LPCAT2: variants seen among roughly 807,000 people sequenced by gnomAD.
LPCAT2 encodes the protein 1-AGP acyltransferase 11.
LPCAT2 carries 58 observed loss-of-function variants against 64.7 expected under a neutral mutation model. The observed-to-expected ratio is 0.90, with a 90% CI of 0.73 to 1.12. The LOEUF (loss-of-function observed/expected upper bound fraction) is 1.12, where lower values mean the gene tolerates loss of function less well. LPCAT2 is among the 50% of genes most tolerant of loss of function. The pLI is 0.00. For synonymous variants in LPCAT2, 252 were observed against 245.3 expected (o/e 1.03, Z -0.26); for missense variants, 579 against 669.8 (o/e 0.86, Z 1.50).
intron 1 of LPCAT2, among the ~76,000 whole-genome samples, chr16:55,512,434 GC>G (rs1457812859): frequency 2.6e-5 from 4 of 151,812 alleles, no homozygotes. Flanking sequence ...CATTACCCCA[GC>G]CCCTTTTTTT....
chr16:55,544,733 TC>T (rs1297611803), intron 8 of LPCAT2, among the ~76,000 whole-genome samples: 1 of 152,148 alleles, frequency 6.6e-6, no homozygotes, highest in African/African-American at 2.4e-5. Flanking sequence ...TGGCTGCATT[TC>T]CCTGGCCCCT....
At position 55,509,201 on chromosome 16, in the gene LPCAT2, C is replaced by G; in HGVS notation, c.20C>G (p.Ala7Gly). The G allele has an allele frequency of 7.1e-7, 1 of 1,410,262 alleles. No individual in the cohort carries two copies. The highest frequency in any genetic ancestry group is 1.6e-5 in the South Asian group (1 of 64,054). The allele number at this position is 1,410,262 out of a possible 1,614,324, so 87.4% of individuals were successfully genotyped here. A position where few individuals can be genotyped will look rare whatever the true frequency, so the allele number is the denominator to read the frequency against. The change falls in exon 1 of 14, where the codon GCG (alanine) becomes GGG (glycine). Residue 7 changes from alanine to glycine, a missense_variant. Ala to Gly is a moderately conservative substitution (Grantham distance 60, BLOSUM62 0). Transcript: ENST00000262134. The part of the protein sequence containing the change: MSRCAQ[A>G]AEVAATVPGA... The stretch of plus-strand genomic sequence containing the variant: ...TCAACTATGAGCCGGTGCGCCCAGG[C>G]GGCGGAAGTGGCGGCCACAGTGCCA...
At chr16:55,555,838 T>C (rs1379359984) in intron 11 of LPCAT2, among the ~76,000 whole-genome samples, 2 of 152,212 alleles carry the variant, frequency 1.3e-5, no homozygotes, top group African/African-American at 4.8e-5. Context: ...TTCTTGAGAC[T>C]GAATGTCACT....
At chr16:55,530,070 A>C in intron 4 of LPCAT2, 123 bp downstream of exon 4, 1 of 601,002 alleles carries the variant, frequency 1.7e-6, no homozygotes, top group Non-Finnish European at 2.8e-6. Context: ...TATTGTTAGC[A>C]TAATAGATGC....
At chr16:55,546,932 A>T (rs1236908172) in intron 9 of LPCAT2, among the ~76,000 whole-genome samples, 64 of 152,144 alleles carry the variant, frequency 4.2e-4, no homozygotes, top group Non-Finnish European at 2.9e-5. Context: ...GTGGATCACA[A>T]GGTCAGGAGT....
chr16:55,544,861 C>T (rs141596512), intron 8 of LPCAT2, among the ~76,000 whole-genome samples: 1 of 152,178 alleles, frequency 6.6e-6, no homozygotes, highest in Non-Finnish European at 1.5e-5. Flanking sequence ...GGCCATGTGA[C>T]TTGCATGCCT....
intron 8 of LPCAT2, chr16:55,542,049 AT>A (rs1567398151): frequency 4.1e-5 from 41 of 997,864 alleles, no homozygotes; most frequent in Non-Finnish European, 5.0e-5. Flanking sequence ...CTTCCTCATC[AT>A]TTTTTTAGTA....
In LPCAT2 at chr16:55,528,677, A is replaced by G. The variant is rs538322285; in HGVS notation, c.529+83A>G. On this transcript the variant is annotated intron_variant, in intron 3 of 13. Coordinates refer to ENST00000262134, the MANE Select transcript of LPCAT2 (RefSeq NM_017839.5). ...AATAATCATATATAGTTCATTGATA[A>G]CCTTTTTAAAAAGTTTAAAATAAAC... is the stretch of plus-strand genomic sequence containing the variant. 51 of 1,053,818 alleles carry G rather than the reference A, an allele frequency of 4.8e-5. No individual in the cohort carries two copies. In the South Asian group the frequency reaches 7.3e-4, roughly 15 times the overall value. 65.3% of individuals were successfully genotyped at this position (1,053,818 alleles called of 1,614,324 possible). A position where few individuals can be genotyped will look rare whatever the true frequency, so the allele number is the denominator to read the frequency against.
chr16:55,534,617 C>G (rs1409376039), intron 7 of LPCAT2, 140 bp downstream of exon 7: 1 of 444,678 alleles, frequency 2.2e-6, no homozygotes, highest in East Asian at 4.2e-5. Context: ...CTGATCAGAG[C>G]CCTAAGTCTT....
intron 4 of LPCAT2, among the ~76,000 whole-genome samples, chr16:55,531,213 C>T (rs1462370895): frequency 2.0e-5 from 3 of 152,090 alleles, no homozygotes; most frequent in Non-Finnish European, 4.4e-5. Flanking sequence ...TTGCTAACTG[C>T]TGTGAGTGCA....
chr16:55,518,067 A>C (rs1383826960), intron 1 of LPCAT2, among the ~76,000 whole-genome samples: 1 of 152,176 alleles, frequency 6.6e-6, no homozygotes, highest in Non-Finnish European at 1.5e-5. Context: ...GCACAAAAAC[A>C]CTTGGAGCTA....
intron 11 of LPCAT2, among the ~76,000 whole-genome samples, chr16:55,569,276 A>G (rs3785163): frequency 0.55 from 83,064 of 152,026 alleles, 22,944 homozygotes; most frequent in East Asian, 0.73. Flanking sequence ...CAGAGATCAC[A>G]TCCACTTTCC....
chr16:55,530,839 A>G (rs1167122046), intron 4 of LPCAT2, among the ~76,000 whole-genome samples: 1 of 152,130 alleles, frequency 6.6e-6, no homozygotes, highest in Non-Finnish European at 1.5e-5. Context: ...ATCTTGAGGA[A>G]CAACTTTCTG....
At chr16:55,534,382 T>C (rs1343846192) in intron 6 of LPCAT2, 61 bp from the exon 7 acceptor site, 2 of 954,166 alleles carry the variant, frequency 2.1e-6, no homozygotes, top group Non-Finnish European at 1.7e-6. Context: ...TAAAATAAGA[T>C]CTTTATTTTA....
chr16:55,551,982 GT>G (rs1963523142), intron 11 of LPCAT2, among the ~76,000 whole-genome samples: 1 of 151,964 alleles, frequency 6.6e-6, no homozygotes, highest in African/African-American at 2.4e-5. Context: ...CACTCTTTTG[GT>G]TACAGTTCTA....
rs1963936239 is a variant in LPCAT2 at position 55,585,640 on chromosome 16, A to G, written c.*2542A>G. 6.6e-6 allele frequency: 1 copy of G among 152,102 alleles called. No individual in the cohort carries two copies. The highest frequency in any genetic ancestry group is 1.5e-5 in the Non-Finnish European group (1 of 68,046). The allele number at this position is 152,102 out of a possible 1,614,324, so 9.4% of individuals were successfully genotyped here. On this transcript the variant is annotated 3_prime_UTR_variant, in exon 14 of 14. Coordinates refer to ENST00000262134, the MANE Select transcript of LPCAT2 (RefSeq NM_017839.5). ...TCAATTGAAAGAGTTCTGTTGAAGG[A>G]TAATGACATACTGACTGCTTACAGA...
chr16:55,578,901 C>T (rs1963858561), intron 12 of LPCAT2: 1 of 519,510 alleles, frequency 1.9e-6, no homozygotes, highest in South Asian at 2.4e-5. Flanking sequence ...TACTATGGAC[C>T]ATTGGTATAG....
chr16:55,509,420 A>G, intron 1 of LPCAT2, 68 bp downstream of exon 1: 2 of 1,202,510 alleles, frequency 1.7e-6, no homozygotes, highest in South Asian at 2.9e-5. Context: ...GGTCCAGGTA[A>G]GGGGTGTGGG....
chr16:55,539,120 T>C (rs1408790098), intron 8 of LPCAT2: 1 of 152,138 alleles, frequency 6.6e-6, no homozygotes. Flanking sequence ...TAGAAATGTA[T>C]ACAAAGCTGT....
Sources: allele counts gnomAD v4.1 joint callset (sites outside exome capture counted in the v4.1 genomes callset), GRCh38; gene constraint gnomAD v4.1.1; transcripts MANE v1.5; gene names NCBI Gene and HGNC (gene_info 2026-07-23, HGNC 2026-07-21).